The following B4GALNT2 variants were observed in gnomAD, a reference collection of about 807,000 sequenced individuals.
B4GALNT2 encodes the protein beta-1,4-N-acetyl-galactosaminyltransferase 2 (SID blood group).
B4GALNT2 carries 42 observed loss-of-function variants against 51.1 expected under a neutral mutation model. That is an observed-to-expected ratio of 0.82 (90% CI 0.64 to 1.06). The LOEUF is 1.06. B4GALNT2 is among the 50% of genes least tolerant of loss of function. The probability of loss-of-function intolerance (pLI) is 0.00; values close to 1 mark genes in which losing one functional copy is unlikely to be tolerated. For synonymous variants in B4GALNT2, 253 were observed against 251.7 expected (o/e 1.01, Z -0.05); for missense variants, 602 against 633.6 (o/e 0.95, Z 0.54).
chr17:49,121,074 T>C, the B4GALNT2 span, among the ~76,000 whole-genome samples: 1 of 152,146 alleles, frequency 6.6e-6, no homozygotes, highest in Admixed American at 6.5e-5. Context: ...AACATACATT[T>C]ATTGAGCAAC....
At chr17:49,143,689 T>C (rs1424203819) in intron 3 of B4GALNT2, among the ~76,000 whole-genome samples, 1 of 152,170 alleles carries the variant, frequency 6.6e-6, no homozygotes, top group Non-Finnish European at 1.5e-5. Context: ...AAAGAAAAGG[T>C]AAGTTTATTT....
upstream of B4GALNT2, among the ~76,000 whole-genome samples, chr17:49,130,701 T>C (rs976510676): frequency 1.3e-5 from 2 of 152,132 alleles, no homozygotes; most frequent in Non-Finnish European, 1.5e-5. Flanking sequence ...ATTGTAAGTT[T>C]TCTTCTTATT....
At chr17:49,120,866 C>T in the B4GALNT2 span, among the ~76,000 whole-genome samples, 414 of 152,106 alleles carry the variant, frequency 2.7e-3, 4 homozygotes, top group Middle Eastern at 0.027. Flanking sequence ...ATAAGCTTCA[C>T]GCCTCACTGA....
intron 1 of B4GALNT2, among the ~76,000 whole-genome samples, chr17:49,139,485 C>A (rs1173746672): frequency 1.3e-5 from 2 of 152,156 alleles, no homozygotes; most frequent in Non-Finnish European, 2.9e-5. Flanking sequence ...CTCGGCCCCC[C>A]AAAGTGCTGG....
At position 49,166,032 on chromosome 17, in the gene B4GALNT2, C is replaced by T. The variant is rs1002114518; in HGVS notation, c.955-82C>T. 1.4e-5 allele frequency: 21 copies of T among 1,471,944 alleles called. No individual in the cohort carries two copies. In the African/African-American group the frequency reaches 2.1e-4, roughly 15 times the overall value. The allele number at this position is 1,471,944 out of a possible 1,614,324, so 91.2% of individuals were successfully genotyped here. A position where few individuals can be genotyped will look rare whatever the true frequency, so the allele number is the denominator to read the frequency against. On this transcript the variant is annotated intron_variant, in intron 8 of 10. Coordinates refer to ENST00000393354, the MANE Select transcript of B4GALNT2 (RefSeq NM_001159387.2). ...TTTGTCTGGAGTGCATGCAGCCTGG[C>T]TGTTGGGAATTTAGAAAGCTCCCCA...
rs1396369735 is a variant in B4GALNT2 at position 49,173,197 on chromosome 17, T to C, written c.*3469T>C. 1 of 152,248 alleles carries C rather than the reference T, an allele frequency of 6.6e-6. No homozygotes were observed. Among genetic ancestry groups the C allele is most frequent in the Non-Finnish European group, 1.5e-5 (1 of 68,046 alleles). The allele number at this position is 152,248 out of a possible 1,614,324, so 9.4% of individuals were successfully genotyped here. A position where few individuals can be genotyped will look rare whatever the true frequency, so the allele number is the denominator to read the frequency against. Reference sequence around the variant, plus strand: ...GATGCATTCTACTCCTGACTGCTGTTTGCAATTGGGTAAATAAAGCCATCA... The same window carrying C: ...GATGCATTCTACTCCTGACTGCTGTCTGCAATTGGGTAAATAAAGCCATCA... On this transcript the variant is annotated 3_prime_UTR_variant, in exon 11 of 11. Transcript: ENST00000393354.
rs201307191 is a variant in B4GALNT2, at chr17:49,169,724, C to T, written c.1517C>T (p.Ala506Val). 432 of 1,571,982 alleles carry T rather than the reference C, an allele frequency of 2.7e-4. No homozygotes were observed. Among genetic ancestry groups the T allele is most frequent in the Non-Finnish European group, 3.0e-4 (348 of 1,156,390 alleles). ...TTCAAGAACCATCTCCAATGTGCCG[C>T]ATAAAGGTGTGAGGGCATAGGAGAA... is the stretch of plus-strand genomic sequence containing the variant. ...HYFKNHLQCA[A>V] Residue 506 changes from alanine to valine, a missense_variant, in exon 11 of 11, where the codon GCA becomes GTA. Transcript: ENST00000393354.
chr17:49,142,002 A>G lies in B4GALNT2; in HGVS notation c.216-33A>G, dbSNP rs186837742. Reference sequence around the variant, plus strand: ...CTCTCACCCACCAGCCTACCCACCCAATCCATGTTTACAGTCCTCTTGCTT... The same window carrying G: ...CTCTCACCCACCAGCCTACCCACCCGATCCATGTTTACAGTCCTCTTGCTT... On this transcript the variant is annotated intron_variant, in intron 2 of 10. Coordinates refer to ENST00000393354, the MANE Select transcript of B4GALNT2 (RefSeq NM_001159387.2). 1.8e-4 allele frequency: 292 copies of G among 1,612,926 alleles called. 3 individuals carry two copies. The Middle Eastern group carries it at 6.9e-3, about 38-fold the overall frequency.
At chr17:49,133,255 T>G in intron 1 of B4GALNT2, 1 of 1,455,084 alleles carries the variant, frequency 6.9e-7, no homozygotes, top group Non-Finnish European at 9.0e-7. Context: ...CTGCGGGCTG[T>G]GGACAGTCGG....
chr17:49,155,601 C>CAA (rs201121543), intron 4 of B4GALNT2, among the ~76,000 whole-genome samples: 4 of 140,144 alleles, frequency 2.9e-5, no homozygotes, highest in African/African-American at 7.9e-5. Flanking sequence ...GACCCCATCT[C>CAA]AAAAAAAAAT....
rs900818499 is a variant in B4GALNT2, at chr17:49,170,600, C to A, written c.*872C>A. The A allele has an allele frequency of 6.6e-6, 1 of 152,250 alleles. No homozygotes were observed. Among genetic ancestry groups the A allele is most frequent in the African/African-American group, 2.4e-5 (1 of 41,454 alleles). 9.4% of individuals were successfully genotyped at this position (152,250 alleles called of 1,614,324 possible). The stretch of plus-strand genomic sequence containing the variant: ...TCATTTACAGAGTGGTTCCATCACT[C>A]TGTTGTTGGATAAGCCTCTTTCTGT... On this transcript the variant is annotated 3_prime_UTR_variant, in exon 11 of 11. Transcript: ENST00000393354.
intron 6 of B4GALNT2, 137 bp from the exon 7 acceptor site, chr17:49,160,418 T>G: frequency 1.2e-6 from 1 of 800,794 alleles, no homozygotes; most frequent in Admixed American, 1.8e-5. Flanking sequence ...AGAGACTCTA[T>G]GGGGTCCTTG....
chr17:49,147,279 T>C (rs2042703353), intron 3 of B4GALNT2, among the ~76,000 whole-genome samples: 1 of 152,206 alleles, frequency 6.6e-6, no homozygotes, highest in South Asian at 2.1e-4. Context: ...TATACTTCCA[T>C]TAAAAAGCAG....
rs571419070 is a variant in B4GALNT2 at position 49,175,921 on chromosome 17, C to T, written c.*6193C>T. ...AGGGACAAACCTCTTCCTCATTTGC[C>T]GCTTTAGCTTCAGCCAGCAAACAAA... On this transcript the variant is annotated 3_prime_UTR_variant, in exon 11 of 11. Transcript: ENST00000393354. 4.5e-4 allele frequency: 68 copies of T among 152,296 alleles called. No homozygotes were observed. The highest frequency in any genetic ancestry group is 1.4e-3 in the African/African-American group (60 of 41,552). The allele number at this position is 152,296 out of a possible 1,614,324, so 9.4% of individuals were successfully genotyped here.
Position 49,169,865 on chromosome 17 carries a change from C to G in B4GALNT2, c.*137C>G. 2 of 805,312 alleles carry G rather than the reference C, an allele frequency of 2.5e-6. No individual in the cohort carries two copies. Among genetic ancestry groups the G allele is most frequent in the Non-Finnish European group, 3.7e-6 (2 of 537,404 alleles). The allele number at this position is 805,312 out of a possible 1,614,324, so 49.9% of individuals were successfully genotyped here. A position where few individuals can be genotyped will look rare whatever the true frequency, so the allele number is the denominator to read the frequency against. On this transcript the variant is annotated 3_prime_UTR_variant, in exon 11 of 11. Coordinates refer to ENST00000393354, the MANE Select transcript of B4GALNT2 (RefSeq NM_001159387.2). ...AGGGAAAAGGGAAATGGCTCAGTTA[C>G]TGGAAGTACCAATCAAAGGTGAAGG...
chr17:49,171,847 T>TAA lies in B4GALNT2; in HGVS notation c.*2120_*2121insAA, dbSNP rs1285744369. On this transcript the variant is annotated 3_prime_UTR_variant, in exon 11 of 11. Transcript: ENST00000393354. ...ATTTCTGGCCAGGTCTAATTCTATTTACAAATAGGTTTTGAGCTGCCTTTG... is the reference window on the plus strand; with the variant it reads ...ATTTCTGGCCAGGTCTAATTCTATTTAAACAAATAGGTTTTGAGCTGCCTTTG... 1 of 346,438 alleles carries TAA rather than the reference T, an allele frequency of 2.9e-6. No individual in the cohort carries two copies. The highest frequency in any genetic ancestry group is 2.3e-5 in the African/African-American group (1 of 43,648). The allele number at this position is 346,438 out of a possible 1,614,324, so 21.5% of individuals were successfully genotyped here.
intron 7 of B4GALNT2, among the ~76,000 whole-genome samples, chr17:49,160,946 A>ATGTTGGAAATT (rs1336392267): frequency 6.6e-6 from 1 of 152,252 alleles, no homozygotes; most frequent in East Asian, 1.9e-4. Flanking sequence ...CCTGATATAA[A>ATGTTGGAAATT]CCCAATACAT....
chr17:49,162,663 C>A (rs1464426798), intron 7 of B4GALNT2, among the ~76,000 whole-genome samples: 2 of 152,078 alleles, frequency 1.3e-5, no homozygotes, highest in African/African-American at 4.8e-5. Flanking sequence ...AATCCCAGCA[C>A]TTTGGGAGGC....
intron 5 of B4GALNT2, 148 bp downstream of exon 5, chr17:49,156,751 AAACTT>A: frequency 1.1e-6 from 1 of 905,990 alleles, no homozygotes; most frequent in Non-Finnish European, 1.7e-6. Context: ...GGTGTGTAGA[AAACTT>A]AACTTCTAGC....
Sources: allele counts gnomAD v4.1 joint callset (sites outside exome capture counted in the v4.1 genomes callset), GRCh38; gene constraint gnomAD v4.1.1; transcripts MANE v1.5; gene names NCBI Gene and HGNC (gene_info 2026-07-23, HGNC 2026-07-21).